ADGRG5: variants seen among roughly 807,000 people sequenced by gnomAD.
The protein encoded by ADGRG5 is adhesion G protein-coupled receptor G5.
ADGRG5 carries 37 observed loss-of-function variants against 53.2 expected under a neutral mutation model. The observed-to-expected ratio is 0.70, with a 90% CI of 0.53 to 0.91. The LOEUF is 0.91. Among genes scored for constraint, ADGRG5 ranks in the 40% least tolerant of loss-of-function variants. ADGRG5 has a pLI of 0.00. For missense variants in ADGRG5, 614 were observed against 675.8 expected (o/e 0.91, Z 1.01); for synonymous variants, 277 against 290.4 (o/e 0.95, Z 0.47).
In ADGRG5 at chr16:57,554,800, G is replaced by A. The variant is rs147122578; in HGVS notation, c.-38-7256G>A. Reference sequence around the variant, plus strand: ...ATCCTTCATCTTTCCTAATGTAAGCGTTTAATGCTATAAATTTTTCTCTAA... The same window carrying A: ...ATCCTTCATCTTTCCTAATGTAAGCATTTAATGCTATAAATTTTTCTCTAA... On this transcript the variant is annotated intron_variant, in intron 1 of 11. Transcript: ENST00000349457. Among the ~76,000 whole-genome samples, 529 of 152,204 alleles carry A rather than the reference G, an allele frequency of 3.5e-3. 2 individuals carry two copies. The highest frequency in any genetic ancestry group is 0.012 in the African/African-American group (498 of 41,530).
In ADGRG5 at chr16:57,570,472, G is replaced by C; in HGVS notation, c.1145G>C (p.Gly382Ala). ...CTCTCTGTCAAGAGCTCGGTATACG[G>C]ACCCTGCACAATCCCCGTCTTCGAC... ...LSLSVKSSVY[G>A]PCTIPVFDSW... Residue 382 changes from glycine (G) to alanine (A), a missense_variant, in exon 10 of 12, where the codon GGA becomes GCA. By Grantham distance (60) the Gly-to-Ala change is moderately conservative (BLOSUM62 0). Transcript: ENST00000349457. 6.2e-7 allele frequency: 1 copy of C among 1,613,560 alleles called. No individual in the cohort carries two copies. Among genetic ancestry groups the C allele is most frequent in the Non-Finnish European group, 8.5e-7 (1 of 1,179,990 alleles).
At chr16:57,562,696 T>G in intron 3 of ADGRG5, 1 of 558,072 alleles carries the variant, frequency 1.8e-6, no homozygotes, top group Non-Finnish European at 3.2e-6. Context: ...GAATTATGGG[T>G]CTCCATGCAT....
chr16:57,556,637 C>A (rs1049478553), intron 1 of ADGRG5, among the ~76,000 whole-genome samples: 2 of 152,196 alleles, frequency 1.3e-5, no homozygotes, highest in African/African-American at 2.4e-5. Context: ...TTGTGGTACA[C>A]TTCTACTTCT....
chr16:57,529,274 G>T, the ADGRG5 span: 1 of 1,117,250 alleles, frequency 9.0e-7, no homozygotes, highest in South Asian at 4.4e-5. The surrounding 1 kb of genome is among the most constrained non-coding windows in gnomAD (Gnocchi z 4.1). Flanking sequence ...GCATGATGAC[G>T]CCGTGCCCCG....
At chr16:57,561,216 T>G (rs1461263883) in intron 1 of ADGRG5, among the ~76,000 whole-genome samples, 5 of 152,242 alleles carry the variant, frequency 3.3e-5, no homozygotes, top group African/African-American at 1.2e-4. Context: ...TGCAGGCACT[T>G]GGGTTCAACT....
At position 57,575,500 on chromosome 16, in the gene ADGRG5, C is replaced by T; in HGVS notation, c.1549C>T (p.Gln517Ter). The T allele has an allele frequency of 6.2e-7, 1 of 1,614,180 alleles. No individual in the cohort carries two copies. Among genetic ancestry groups the T allele is most frequent in the South Asian group, 1.1e-5 (1 of 91,086 alleles). Residue 517 changes from glutamine to a stop codon, truncating the protein, a stop_gained, in exon 12 of 12, where the codon CAG (glutamine) becomes TAG (stop). Transcript: ENST00000349457. LOFTEE classifies it high-confidence loss of function. ...RCRSEAEAKA[Q>*]IEAFSSSQTT... The stretch of plus-strand genomic sequence containing the variant: ...CCGCTCAGAAGCAGAGGCCAAGGCA[C>T]AGATAGAGGCCTTCAGCTCCTCCCA...
intron 9 of ADGRG5, among the ~76,000 whole-genome samples, 188 bp downstream of exon 9, chr16:57,568,312 A>T (rs1003459201): frequency 2.6e-5 from 4 of 151,590 alleles, no homozygotes; most frequent in Non-Finnish European, 5.9e-5. Flanking sequence ...CACCTCCATC[A>T]TCATCATCGT....
intron 1 of ADGRG5, among the ~76,000 whole-genome samples, chr16:57,558,877 C>T (rs2032939917): frequency 2.0e-5 from 3 of 150,142 alleles, no homozygotes; most frequent in Admixed American, 2.0e-4. Flanking sequence ...CAGGGTCTCA[C>T]TCTGTTGCCC....
At chr16:57,572,565 G>A (rs1196622001) in intron 10 of ADGRG5, among the ~76,000 whole-genome samples, 1 of 152,074 alleles carries the variant, frequency 6.6e-6, no homozygotes, top group Non-Finnish European at 1.5e-5. Context: ...GGTAGCGGGT[G>A]CCTGTAATCC....
the ADGRG5 span, among the ~76,000 whole-genome samples, chr16:57,534,503 C>T: frequency 1.3e-5 from 2 of 152,214 alleles, no homozygotes; most frequent in Non-Finnish European, 2.9e-5. Flanking sequence ...AACCCACCTC[C>T]AGTGTCCCCT....
Position 57,566,594 on chromosome 16 carries a change from C to T in ADGRG5, c.547-5C>T. On this transcript the variant is annotated splice_polypyrimidine_tract_variant and splice_region_variant and intron_variant, in intron 6 of 11. Coordinates refer to ENST00000349457, the MANE Select transcript of ADGRG5 (RefSeq NM_001304376.3). ...CCCTATGACTGACCCAGCATCTCCA[C>T]CCAGGAAGGCTACACCCTGACCTGT... 2 of 1,494,860 alleles carry T rather than the reference C, an allele frequency of 1.3e-6. No individual in the cohort carries two copies. The highest frequency in any genetic ancestry group is 2.5e-5 in the East Asian group (1 of 39,298). 92.6% of individuals were successfully genotyped at this position (1,494,860 alleles called of 1,614,324 possible).
intron 1 of ADGRG5, among the ~76,000 whole-genome samples, chr16:57,560,321 A>G (rs777475019): frequency 2.8e-4 from 43 of 152,218 alleles, no homozygotes; most frequent in Non-Finnish European, 5.0e-4. Flanking sequence ...CAGCTTCTCA[A>G]GAAAGGATGT....
intron 1 of ADGRG5, among the ~76,000 whole-genome samples, chr16:57,548,176 C>CTTTTT (rs57571395): frequency 7.8e-5 from 11 of 141,716 alleles, no homozygotes; most frequent in South Asian, 2.2e-4. Context: ...CTATACACAT[C>CTTTTT]TTTTTTTTTT....
intron 10 of ADGRG5, among the ~76,000 whole-genome samples, chr16:57,572,078 C>T (rs1428049880): frequency 1.3e-5 from 2 of 151,894 alleles, no homozygotes; most frequent in Non-Finnish European, 2.9e-5. Flanking sequence ...TCTGCCCTCT[C>T]CTCTCAGGAA....
At chr16:57,569,520 C>T (rs1365861419) in intron 9 of ADGRG5, among the ~76,000 whole-genome samples, 3 of 152,066 alleles carry the variant, frequency 2.0e-5, no homozygotes, top group African/African-American at 7.2e-5. Flanking sequence ...TCATCACCAT[C>T]ACTTCCTCCA....
upstream of ADGRG5, among the ~76,000 whole-genome samples, chr16:57,541,651 T>G (rs146925922): frequency 6.6e-5 from 10 of 152,244 alleles, no homozygotes; most frequent in Non-Finnish European, 1.5e-4. Flanking sequence ...CTGTCTGGTT[T>G]CTCCCTTTTG....
chr16:57,571,223 G>A (rs1296318271), intron 10 of ADGRG5, among the ~76,000 whole-genome samples: 1 of 152,200 alleles, frequency 6.6e-6, no homozygotes, highest in Non-Finnish European at 1.5e-5. Flanking sequence ...GCTCAGGATG[G>A]GGGCTGATTC....
intron 1 of ADGRG5, among the ~76,000 whole-genome samples, chr16:57,547,375 T>C (rs1373046673): frequency 6.6e-6 from 1 of 152,260 alleles, no homozygotes; most frequent in African/African-American, 2.4e-5. Flanking sequence ...ATGTGTGTTA[T>C]TTTCAACCTG....
chr16:57,536,084 C>T, the ADGRG5 span, among the ~76,000 whole-genome samples: 13 of 152,134 alleles, frequency 8.5e-5, no homozygotes, highest in Admixed American at 3.9e-4. Context: ...CCCCCATTGG[C>T]AGTCGCCGCG....
Sources: allele counts gnomAD v4.1 joint callset (sites outside exome capture counted in the v4.1 genomes callset), GRCh38; gene constraint gnomAD v4.1.1; non-coding constraint Gnocchi (gnomAD v3.1); transcripts MANE v1.5; gene names NCBI Gene and HGNC (gene_info 2026-07-23, HGNC 2026-07-21).